SP100: variants seen among roughly 807,000 people sequenced by gnomAD.
SP100 encodes the protein nuclear autoantigen Sp-100.
Under a neutral mutation model 130.0 loss-of-function variants are expected in SP100, and 84 were observed. That is an observed-to-expected ratio of 0.65 (90% confidence interval 0.54 to 0.77). The LOEUF (loss-of-function observed/expected upper bound fraction) is 0.77, where lower values mean the gene tolerates loss of function less well. Among genes scored for constraint, SP100 ranks in the 30% least tolerant of loss-of-function variants. The probability of loss-of-function intolerance (pLI) is 0.00; values close to 1 mark genes in which losing one functional copy is unlikely to be tolerated. For missense variants in SP100, 978 were observed against 1,052.2 expected (o/e 0.93, Z 0.97); for synonymous variants, 331 against 351.7 (o/e 0.94, Z 0.66).
At chr2:230,534,893 T>C (rs1691859122) in intron 24 of SP100, among the ~76,000 whole-genome samples, 1 of 152,118 alleles carries the variant, frequency 6.6e-6, no homozygotes. Context: ...CATTGATTCT[T>C]CTCAAAAAGT....
chr2:230,423,588 G>A (rs991671576), intron 2 of SP100, among the ~76,000 whole-genome samples: 1 of 151,810 alleles, frequency 6.6e-6, no homozygotes, highest in Non-Finnish European at 1.5e-5. Flanking sequence ...TTTCTAATAC[G>A]TTGGTTTAAA....
intron 7 of SP100, 134 bp downstream of exon 7, chr2:230,449,844 G>A (rs1216877163): frequency 4.3e-6 from 4 of 931,224 alleles, no homozygotes; most frequent in South Asian, 1.6e-5. Flanking sequence ...CACAGAGGGG[G>A]CCTGTTATAC....
At position 230,462,449 on chromosome 2, in the gene SP100, G is replaced by A. The variant is rs760948554; in HGVS notation, c.988G>A (p.Asp330Asn). The change falls in exon 10 of 29, where the codon GAC becomes AAC. Residue 330 changes from aspartate (D) to asparagine (N), a missense_variant. Asp to Asn is a conservative substitution (Grantham distance 23). Coordinates refer to ENST00000340126, the MANE Select transcript of SP100 (RefSeq NM_001080391.2). ...CCTTTGTGCAGTCATCAGCAGTGAG[G>A]ACTCTGAAGGATCCACTGACGTTGA... is the stretch of plus-strand genomic sequence containing the variant. ...ASDIIVISSE[D>N]SEGSTDVDEP... is the part of the protein sequence containing the mutation. 1 of 1,613,688 alleles carries A rather than the reference G, an allele frequency of 6.2e-7. No individual in the cohort carries two copies. The highest frequency in any genetic ancestry group is 8.5e-7 in the Non-Finnish European group (1 of 1,179,706).
rs575443749 is a variant in SP100 at position 230,431,026 on chromosome 2, T to C, written c.108-11911T>C. 5.1e-4 allele frequency among the ~76,000 whole-genome samples: 77 copies of C among 152,324 alleles called. No homozygotes were observed. The Middle Eastern group carries it at 0.014, about 27-fold the overall frequency. On this transcript the variant is annotated intron_variant, in intron 2 of 28. Coordinates refer to ENST00000340126, the MANE Select transcript of SP100 (RefSeq NM_001080391.2). ...GTCTTAGGTGGGCTGGGCTGCTGGC[T>C]AGGCACCCAAGCTACTTAGAACTGC...
chr2:230,526,693 G>A (rs2150103099), intron 24 of SP100, among the ~76,000 whole-genome samples: 1 of 152,172 alleles, frequency 6.6e-6, no homozygotes, highest in Middle Eastern at 3.4e-3. Flanking sequence ...TAGCTAATTA[G>A]AATAAACTAG....
At chr2:230,426,461 G>A (rs1245981524) in intron 2 of SP100, among the ~76,000 whole-genome samples, 1 of 152,132 alleles carries the variant, frequency 6.6e-6, no homozygotes, top group African/African-American at 2.4e-5. Flanking sequence ...GGATATTTAT[G>A]TTACCTTTTT....
At chr2:230,461,059 C>A (rs111464153) in intron 8 of SP100, among the ~76,000 whole-genome samples, 1,861 of 151,014 alleles carry the variant, frequency 0.012, 36 homozygotes, top group African/African-American at 0.043. Context: ...AAGAATGAGA[C>A]GAGTAGGTAA....
intron 24 of SP100, chr2:230,515,375 C>T (rs568016197): frequency 1.2e-6 from 2 of 1,613,914 alleles, no homozygotes; most frequent in East Asian, 2.2e-5. Context: ...GGAGAACATC[C>T]TGGCCTGTCC....
intron 2 of SP100, among the ~76,000 whole-genome samples, chr2:230,427,455 C>T (rs1392510488): frequency 6.6e-6 from 1 of 152,068 alleles, no homozygotes; most frequent in African/African-American, 2.4e-5. Flanking sequence ...GCCACTGCGC[C>T]CAACCTAAAA....
chr2:230,463,981 C>T (rs2306274), intron 10 of SP100, 86 bp from the exon 11 acceptor site: 346,018 of 904,442 alleles, frequency 0.38, 69,789 homozygotes, highest in Middle Eastern at 0.53. Context: ...CAAGGTTTTC[C>T]AGGTTTTCTT....
At chr2:230,504,392 G>A in intron 21 of SP100, 102 bp downstream of exon 21, 1 of 631,106 alleles carries the variant, frequency 1.6e-6, no homozygotes, top group Non-Finnish European at 2.8e-6. Flanking sequence ...TGCAAAACCA[G>A]CCCCAGGCTT....
chr2:230,467,741 G>A (rs1022432130), intron 13 of SP100, among the ~76,000 whole-genome samples: 6 of 152,338 alleles, frequency 3.9e-5, no homozygotes, highest in South Asian at 2.1e-4. Flanking sequence ...GGGAATTCAA[G>A]ATGAGATTTG....
intron 15 of SP100, chr2:230,470,363 C>A: frequency 9.0e-7 from 1 of 1,106,016 alleles, no homozygotes; most frequent in Non-Finnish European, 1.1e-6. Context: ...TTGTGGTATT[C>A]TTTTTTTTAA....
At chr2:230,417,453 A>C in intron 1 of SP100, 138 bp from the exon 2 acceptor site, 2 of 1,093,652 alleles carry the variant, frequency 1.8e-6, no homozygotes, top group Non-Finnish European at 2.5e-6. Context: ...CCAATAAGCT[A>C]TCATAACAAT....
intron 24 of SP100, among the ~76,000 whole-genome samples, chr2:230,524,216 C>T (rs530682747): frequency 5.6e-5 from 8 of 143,916 alleles, no homozygotes; most frequent in East Asian, 2.0e-4. Context: ...ATTAGCCAGG[C>T]GTGGTGGCAG....
At chr2:230,469,142 CT>C (rs1384383565) in intron 14 of SP100, 46 bp downstream of exon 14, 1 of 1,154,206 alleles carries the variant, frequency 8.7e-7, no homozygotes, top group African/African-American at 1.5e-5. Context: ...TCTTTATTTG[CT>C]GCAAAAGCTA....
At chr2:230,463,886 T>C in intron 10 of SP100, 181 bp from the exon 11 acceptor site, 1 of 458,072 alleles carries the variant, frequency 2.2e-6, no homozygotes, top group South Asian at 3.5e-5. Context: ...GGGACAAGAA[T>C]GGAGTATCAC....
chr2:230,461,431 G>C lies in SP100; in HGVS notation c.973+17G>C. On this transcript the variant is annotated intron_variant, in intron 9 of 28. Transcript: ENST00000340126. ...ACATAATAGGTAAGGCTGACTGGGA[G>C]AGTTTGTAACTGTGAGTCACAGGTT... The C allele has an allele frequency of 6.2e-7, 1 of 1,613,710 alleles. No homozygotes were observed. Among genetic ancestry groups the C allele is most frequent in the Non-Finnish European group, 8.5e-7 (1 of 1,179,692 alleles).
At position 230,541,360 on chromosome 2, in the gene SP100, A is replaced by G. The variant is rs1275031687; in HGVS notation, c.2391A>G (p.Ser797=). The G allele has an allele frequency of 6.2e-7, 1 of 1,613,774 alleles. No homozygotes were observed. The highest frequency in any genetic ancestry group is 8.5e-7 in the Non-Finnish European group (1 of 1,179,676). ...YCDSKSCFFA[S]EPYYNREGSQ... is the part of the protein sequence containing the mutation. ...ATTCGAAAAGCTGCTTTTTCGCCTC[A>G]GAACCGTATTATGTAAGTAACAGCC... The change falls in exon 27 of 29, where the codon TCA becomes TCG. Residue 797 remains serine (S), a synonymous_variant. Coordinates refer to ENST00000340126, the MANE Select transcript of SP100 (RefSeq NM_001080391.2).
Sources: gnomAD v4.1 joint callset for allele counts (sites outside exome capture counted in the v4.1 genomes callset) on GRCh38, gnomAD v4.1.1 for gene constraint, MANE v1.5 for transcripts, NCBI Gene and HGNC (gene_info 2026-07-23, HGNC 2026-07-21) for gene names.